Variants in DUSP3 observed in about 807,000 individuals in gnomAD.
The protein encoded by DUSP3 is dual specificity protein phosphatase 3.
A neutral mutation model predicts 15.5 loss-of-function variants in DUSP3; 7 were observed. That is an observed-to-expected ratio of 0.45 (90% CI 0.26 to 0.85). The LOEUF (loss-of-function observed/expected upper bound fraction) is 0.85. DUSP3 is among the 40% of genes least tolerant of loss of function. DUSP3 has a pLI of 0.18. For synonymous variants in DUSP3, 86 were observed against 104.2 expected (o/e 0.83, Z 1.07); for missense variants, 209 against 251.7 (o/e 0.83, Z 1.15).
At position 43,778,802 on chromosome 17, in the gene DUSP3, G is replaced by T. The variant is rs749400352; in HGVS notation, c.123C>A (p.Asn41Lys). 20 of 1,531,826 alleles carry T rather than the reference G, an allele frequency of 1.3e-5. No homozygotes were observed. Among genetic ancestry groups the T allele is most frequent in the Non-Finnish European group, 1.7e-5 (19 of 1,141,486 alleles). 94.9% of individuals were successfully genotyped at this position (1,531,826 alleles called of 1,614,324 possible). ...CCGGGCTCGCGAAAGGGACTCACGC[G>T]TTGCCCACGTAGATCCGCGGGGTGA... ...NEVTPRIYVG[N>K]ASVAQDIPKL... is the part of the protein sequence containing the mutation. The change falls in exon 1 of 3, where the codon AAC becomes AAA. Residue 41 changes from asparagine (N) to lysine (K), a missense_variant and splice_region_variant. Coordinates refer to ENST00000226004, the MANE Select transcript of DUSP3 (RefSeq NM_004090.4).
intron 2 of DUSP3, chr17:43,774,111 TAAAAAAAA>T (rs556992898): frequency 7.7e-5 from 5 of 64,898 alleles, no homozygotes; most frequent in South Asian, 1.6e-4. Context: ...AAACTCCATC[TAAAAAAAA>T]AAAAAAAAAA....
At chr17:43,777,065 C>A (rs1187833088) in intron 1 of DUSP3, among the ~76,000 whole-genome samples, 1 of 152,102 alleles carries the variant, frequency 6.6e-6, no homozygotes, top group Admixed American at 6.5e-5. Context: ...CTCCACCTCC[C>A]GTGTTCAAAC....
chr17:43,775,059 G>T, intron 1 of DUSP3, 121 bp from the exon 2 acceptor site: 1 of 984,952 alleles, frequency 1.0e-6, no homozygotes. Flanking sequence ...TCTGGCCCCT[G>T]CCAGCTTCTC....
intron 2 of DUSP3, 131 bp from the exon 3 acceptor site, chr17:43,769,945 A>C (rs1468748975): frequency 1.5e-5 from 16 of 1,038,960 alleles, no homozygotes; most frequent in Non-Finnish European, 2.3e-5. Context: ...GAATGGCTAA[A>C]ATGAAAAGGA....
At chr17:43,770,863 A>C (rs1974308461) in intron 2 of DUSP3, among the ~76,000 whole-genome samples, 1 of 151,278 alleles carries the variant, frequency 6.6e-6, no homozygotes, top group Non-Finnish European at 1.5e-5. Flanking sequence ...GGTTCAAGCA[A>C]TTCTCCTGCC....
chr17:43,774,659 G>A (rs1027864472), intron 2 of DUSP3, 53 bp downstream of exon 2: 1 of 1,590,860 alleles, frequency 6.3e-7, no homozygotes, highest in Admixed American at 1.7e-5. Context: ...TTTTCCAGAG[G>A]GACAGTCCAG....
Position 43,769,575 on chromosome 17 carries a change from C to G in DUSP3, c.*34G>C, listed in dbSNP as rs781133402. On this transcript the variant is annotated 3_prime_UTR_variant, in exon 3 of 3. Transcript: ENST00000226004. ...GGACACCTTTGCCCACGGCCTCCCCCACGGACCTCTCGAGCAGAGGTGGTG... is the reference window on the plus strand; with the variant it reads ...GGACACCTTTGCCCACGGCCTCCCCGACGGACCTCTCGAGCAGAGGTGGTG... 2.5e-6 allele frequency: 4 copies of G among 1,609,524 alleles called. No individual in the cohort carries two copies. The highest frequency in any genetic ancestry group is 4.5e-5 in the East Asian group (2 of 44,868).
At chr17:43,776,979 C>CT (rs113659994) in intron 1 of DUSP3, among the ~76,000 whole-genome samples, 7,702 of 148,360 alleles carry the variant, frequency 0.052, 665 homozygotes, top group African/African-American at 0.18. Context: ...TTCTCTAATA[C>CT]TTTTTTTTTT....
rs1444054953 is a variant in DUSP3 at position 43,767,571 on chromosome 17, A to T, written c.*2038T>A. On this transcript the variant is annotated 3_prime_UTR_variant, in exon 3 of 3. Transcript: ENST00000226004. ...GGGGGCCAGGCCCTTAATCATTCTGAACCTCAGTTCCTTTTTTTTAAAAAA... is the reference window on the plus strand; with the variant it reads ...GGGGGCCAGGCCCTTAATCATTCTGTACCTCAGTTCCTTTTTTTTAAAAAA... The T allele has an allele frequency of 6.6e-6, 1 of 152,442 alleles. No homozygotes were observed. The highest frequency in any genetic ancestry group is 1.5e-5 in the Non-Finnish European group (1 of 68,010). The allele number at this position is 152,442 out of a possible 1,614,324, so 9.4% of individuals were successfully genotyped here.
intron 1 of DUSP3, chr17:43,777,865 T>C: frequency 5.2e-6 from 1 of 192,728 alleles, no homozygotes; most frequent in Non-Finnish European, 1.1e-5. Context: ...ACTGTCCGGG[T>C]GCGGTGGCTC....
At chr17:43,771,030 GTATA>G (rs759070367) in intron 2 of DUSP3, among the ~76,000 whole-genome samples, 71 of 145,272 alleles carry the variant, frequency 4.9e-4, no homozygotes, top group African/African-American at 1.7e-3. Context: ...GTATGTGTGT[GTATA>G]TATATATATA....
chr17:43,770,990 ATGTG>A (rs71160061), intron 2 of DUSP3, among the ~76,000 whole-genome samples: 26,004 of 146,662 alleles, frequency 0.18, 2,519 homozygotes, highest in Non-Finnish European at 0.21. Flanking sequence ...GTGTATATAT[ATGTG>A]TGTGTGTGTG....
chr17:43,770,162 A>C (rs559429845), intron 2 of DUSP3, among the ~76,000 whole-genome samples: 1 of 152,202 alleles, frequency 6.6e-6, no homozygotes, highest in African/African-American at 2.4e-5. Context: ...ACATTCACGA[A>C]CATGGGCCAG....
chr17:43,766,539 T>C lies in DUSP3; in HGVS notation c.*3070A>G, dbSNP rs1030875370. ...TTTAAAACAGTAGCATCTTAACTTGTGGCACAAAAGGCACCAACATTCCCT... is the reference window on the plus strand; with the variant it reads ...TTTAAAACAGTAGCATCTTAACTTGCGGCACAAAAGGCACCAACATTCCCT... On this transcript the variant is annotated 3_prime_UTR_variant, in exon 3 of 3. Coordinates refer to ENST00000226004, the MANE Select transcript of DUSP3 (RefSeq NM_004090.4). 2.0e-5 allele frequency: 3 copies of C among 152,092 alleles called. No homozygotes were observed. Among genetic ancestry groups the C allele is most frequent in the Non-Finnish European group, 4.4e-5 (3 of 67,966 alleles). 9.4% of individuals were successfully genotyped at this position (152,092 alleles called of 1,614,324 possible).
At chr17:43,776,464 C>A (rs947230208) in intron 1 of DUSP3, among the ~76,000 whole-genome samples, 2 of 152,262 alleles carry the variant, frequency 1.3e-5, no homozygotes, top group Non-Finnish European at 2.9e-5. Flanking sequence ...ACATCTGCTG[C>A]AAAACCCCCA....
intron 2 of DUSP3, among the ~76,000 whole-genome samples, chr17:43,770,932 TGTATCTTTTA>T (rs1974309467): frequency 1.3e-5 from 2 of 151,716 alleles, no homozygotes; most frequent in Non-Finnish European, 2.9e-5. Context: ...CTAATTTTTT[TGTATCTTTTA>T]GTAGAGGTGG....
In DUSP3 at chr17:43,774,850, T is replaced by C; in HGVS notation, c.214A>G (p.Asn72Asp). 6.2e-7 allele frequency: 1 copy of C among 1,614,218 alleles called. No homozygotes were observed. The highest frequency in any genetic ancestry group is 8.5e-7 in the Non-Finnish European group (1 of 1,180,034). The change falls in exon 2 of 3, where the codon AAC becomes GAC. Residue 72 changes from asparagine to aspartate, a missense_variant. Physicochemically the swap from Asn to Asp is conservative, Grantham distance 23. Coordinates refer to ENST00000226004, the MANE Select transcript of DUSP3 (RefSeq NM_004090.4). Reference sequence around the variant, plus strand: ...TCCTTGTAGAAGTTGGCATTGGTGTTGACGTGCATGAAGGACCTGCCCTCA... The same window carrying C: ...TCCTTGTAGAAGTTGGCATTGGTGTCGACGTGCATGAAGGACCTGCCCTCA... ...AAEGRSFMHV[N>D]TNANFYKDSG...
At chr17:43,776,893 T>C (rs1598302554) in intron 1 of DUSP3, among the ~76,000 whole-genome samples, 1 of 152,158 alleles carries the variant, frequency 6.6e-6, no homozygotes, top group African/African-American at 2.4e-5. Flanking sequence ...TATTCCTGCT[T>C]AGGACACCGC....
chr17:43,770,646 C>A (rs569871040), intron 2 of DUSP3, among the ~76,000 whole-genome samples: 2 of 150,238 alleles, frequency 1.3e-5, no homozygotes, highest in African/African-American at 4.9e-5. Flanking sequence ...GGTGACAGAG[C>A]GAGACTCTGT....
Sources: gnomAD v4.1 joint callset for allele counts (sites outside exome capture counted in the v4.1 genomes callset) on GRCh38, gnomAD v4.1.1 for gene constraint, MANE v1.5 for transcripts, NCBI Gene and HGNC (gene_info 2026-07-23, HGNC 2026-07-21) for gene names.